EPHA5: variants seen among roughly 807,000 people sequenced by gnomAD.
EPHA5 encodes ephrin type-A receptor 5.
EPHA5 carries 60 observed loss-of-function variants against 105.0 expected under a neutral mutation model. The observed-to-expected ratio is 0.57, with a 90% confidence interval of 0.46 to 0.71. The LOEUF (loss-of-function observed/expected upper bound fraction) is 0.71, where lower values mean the gene tolerates loss of function less well. Among genes scored for constraint, EPHA5 ranks in the 30% least tolerant of loss-of-function variants. EPHA5 has a pLI of 0.00. For missense variants in EPHA5, 1,218 were observed against 1,274.7 expected (o/e 0.96, Z 0.68); for synonymous variants, 513 against 449.1 (o/e 1.14, Z -1.80).
chr4:65,569,801 G>T (rs182835148), intron 3 of EPHA5, among the ~76,000 whole-genome samples: 1 of 151,552 alleles, frequency 6.6e-6, no homozygotes, highest in East Asian at 1.9e-4. Context: ...CTTAGTTAAG[G>T]GTATAGTGCC....
intron 3 of EPHA5, chr4:65,573,687 A>G (rs1740476910): frequency 1.3e-5 from 20 of 1,597,840 alleles, no homozygotes; most frequent in Non-Finnish European, 1.6e-5. Flanking sequence ...CTCAGCCGCT[A>G]AATCCAAGGT....
chr4:65,326,038 ATATG>A (rs1560411875), intron 16 of EPHA5, among the ~76,000 whole-genome samples: 4 of 147,744 alleles, frequency 2.7e-5, no homozygotes, highest in African/African-American at 9.8e-5. Context: ...TCTCATATAT[ATATG>A]TATATATATG....
intron 1 of EPHA5, among the ~76,000 whole-genome samples, chr4:65,665,922 A>C (rs1483113020): frequency 6.6e-6 from 1 of 152,152 alleles, no homozygotes; most frequent in Non-Finnish European, 1.5e-5. Flanking sequence ...TGGTGAGGAA[A>C]TGATTTTACT....
intron 2 of EPHA5, among the ~76,000 whole-genome samples, chr4:65,611,364 T>C (rs1744740953): frequency 6.6e-6 from 1 of 152,088 alleles, no homozygotes; most frequent in Admixed American, 6.5e-5. Context: ...GTAAATTCTG[T>C]GGGGAAGCCT....
intron 5 of EPHA5, among the ~76,000 whole-genome samples, chr4:65,434,830 T>A (rs757829404): frequency 6.6e-6 from 1 of 152,182 alleles, no homozygotes; most frequent in Admixed American, 6.6e-5. Context: ...AAACACTGAC[T>A]ATTTTTTTAA....
intron 4 of EPHA5, among the ~76,000 whole-genome samples, chr4:65,491,094 A>G (rs976658093): frequency 6.6e-6 from 1 of 152,050 alleles, no homozygotes; most frequent in African/African-American, 2.4e-5. Flanking sequence ...CCTGCAACCT[A>G]CAAAGTAAAC....
chr4:65,470,088 A>G (rs1729138938), intron 5 of EPHA5, among the ~76,000 whole-genome samples: 1 of 152,154 alleles, frequency 6.6e-6, no homozygotes, highest in African/African-American at 2.4e-5. Flanking sequence ...CATGACATTC[A>G]TGGTTAGTCT....
chr4:65,606,798 A>T (rs140129841), intron 2 of EPHA5, among the ~76,000 whole-genome samples: 1 of 152,200 alleles, frequency 6.6e-6, no homozygotes, highest in African/African-American at 2.4e-5. Flanking sequence ...GACATATTTC[A>T]TATTTCAGTC....
At chr4:65,500,889 G>A (rs1203584107) in intron 3 of EPHA5, among the ~76,000 whole-genome samples, 5 of 150,740 alleles carry the variant, frequency 3.3e-5, no homozygotes, top group East Asian at 1.9e-4. Flanking sequence ...ACAGACTATC[G>A]TTGTTTGCAG....
intron 3 of EPHA5, among the ~76,000 whole-genome samples, chr4:65,517,212 A>T (rs1422580926): frequency 4.6e-5 from 7 of 151,912 alleles, no homozygotes; most frequent in Admixed American, 3.3e-4. Flanking sequence ...ACTTTGAAAC[A>T]TAATACTTTA....
At chr4:65,436,957 G>C (rs1426577447) in intron 5 of EPHA5, among the ~76,000 whole-genome samples, 1 of 151,924 alleles carries the variant, frequency 6.6e-6, no homozygotes, top group East Asian at 1.9e-4. Context: ...TAGTAGGGAA[G>C]AAAAGAATCC....
At chr4:65,619,731 T>A (rs540205471) in intron 2 of EPHA5, among the ~76,000 whole-genome samples, 1 of 152,122 alleles carries the variant, frequency 6.6e-6, no homozygotes, top group South Asian at 2.1e-4. Context: ...ATATGCCATA[T>A]TTTCCTAAGT....
intron 2 of EPHA5, among the ~76,000 whole-genome samples, chr4:65,630,081 TCACACACACA>T (rs35628731): frequency 6.8e-6 from 1 of 146,624 alleles, no homozygotes; most frequent in African/African-American, 2.5e-5. Context: ...TCTCTCTCTC[TCACACACACA>T]CACACACACA....
intron 15 of EPHA5, among the ~76,000 whole-genome samples, chr4:65,332,960 C>T (rs1720781220): frequency 6.6e-6 from 1 of 151,420 alleles, no homozygotes; most frequent in Non-Finnish European, 1.5e-5. Context: ...CTTAATACAC[C>T]GAGGAGTGGT....
At chr4:65,435,503 G>A (rs528357992) in intron 5 of EPHA5, among the ~76,000 whole-genome samples, 1 of 152,128 alleles carries the variant, frequency 6.6e-6, no homozygotes, top group East Asian at 1.9e-4. Context: ...CAAGGACAAG[G>A]GGAGAGCTAG....
At chr4:65,438,432 A>C (rs768746177) in intron 5 of EPHA5, among the ~76,000 whole-genome samples, 4 of 151,932 alleles carry the variant, frequency 2.6e-5, no homozygotes, top group Non-Finnish European at 4.4e-5. Context: ...ACATGTATAT[A>C]TGTATCCATA....
intron 3 of EPHA5, among the ~76,000 whole-genome samples, chr4:65,570,346 TAA>T (rs1424886816): frequency 6.6e-6 from 1 of 151,880 alleles, no homozygotes; most frequent in African/African-American, 2.4e-5. Context: ...TATTCCAAGT[TAA>T]GAGGTAGCAT....
intron 10 of EPHA5, 38 bp from the exon 11 acceptor site, chr4:65,365,240 G>A (rs771052874): frequency 6.3e-7 from 1 of 1,578,718 alleles, no homozygotes; most frequent in African/African-American, 1.4e-5. Flanking sequence ...AAACTCATTT[G>A]AAATTGTTAG....
At chr4:65,443,250 C>G (rs990817676) in intron 5 of EPHA5, among the ~76,000 whole-genome samples, 5 of 151,950 alleles carry the variant, frequency 3.3e-5, no homozygotes, top group Non-Finnish European at 4.4e-5. Flanking sequence ...CCATATATAA[C>G]TTTTCCCTAT....
Sources: gnomAD v4.1 joint callset for allele counts (sites outside exome capture counted in the v4.1 genomes callset) on GRCh38, gnomAD v4.1.1 for gene constraint, MANE v1.5 for transcripts, NCBI Gene and HGNC (gene_info 2026-07-23, HGNC 2026-07-21) for gene names.